Variants in SPEF2 observed in about 807,000 individuals in gnomAD.
The protein encoded by SPEF2 is sperm flagellar and cilia associated 2.
SPEF2 carries 187 observed loss-of-function variants against 224.6 expected under a neutral mutation model. That is an observed-to-expected ratio of 0.83 (90% CI 0.74 to 0.94). The LOEUF (loss-of-function observed/expected upper bound fraction) is 0.94, where lower values mean the gene tolerates loss of function less well. Ranked by LOEUF, SPEF2 falls within the 40% of genes least tolerant of loss-of-function variation. The pLI is 0.00. For missense variants in SPEF2, 2,170 were observed against 2,135.6 expected, an observed-to-expected ratio of 1.02 and a Z score of -0.32; for synonymous variants, 715 against 707.3, an observed-to-expected ratio of 1.01 and a Z score of -0.17.
At chr5:35,791,396 G>C (rs1217053039) in intron 30 of SPEF2, 3 of 152,170 alleles carry the variant, frequency 2.0e-5, no homozygotes, top group African/African-American at 7.2e-5. Context: ...CTGGAGGTTA[G>C]AGGAAATGAT....
chr5:35,763,550 T>C lies in SPEF2; in HGVS notation c.3649T>C (p.Ser1217Pro). The C allele has an allele frequency of 6.2e-7, 1 of 1,600,546 alleles. No homozygotes were observed. Among genetic ancestry groups the C allele is most frequent in the Non-Finnish European group, 8.5e-7 (1 of 1,175,856 alleles). Reference sequence around the variant, plus strand: ...TCCTCTAGTTCCTCGAATATCCATTTCTCTGGAAACAGTTACACCCAAACC... The same window carrying C: ...TCCTCTAGTTCCTCGAATATCCATTCCTCTGGAAACAGTTACACCCAAACC... Reference protein sequence around the residue: ...RIPLVPRISISLETVTPKPKT... With the variant: ...RIPLVPRISIPLETVTPKPKT... The change falls in exon 26 of 37, where the codon TCT (serine) becomes CCT (proline). Residue 1217 changes from serine (S) to proline (P), a missense_variant. Physicochemically the swap from Ser to Pro is moderately conservative, Grantham distance 74 (BLOSUM62 -1). Coordinates refer to ENST00000356031, the MANE Select transcript of SPEF2 (RefSeq NM_024867.4).
At chr5:35,782,258 A>C (rs1754456947) in intron 30 of SPEF2, among the ~76,000 whole-genome samples, 1 of 152,200 alleles carries the variant, frequency 6.6e-6, no homozygotes, top group African/African-American at 2.4e-5. Context: ...GCAGGTTTGA[A>C]AGTGTGGAGG....
At chr5:35,708,895 T>C (rs1740548370) in intron 18 of SPEF2, 53 bp from the exon 19 acceptor site, 1 of 1,461,306 alleles carries the variant, frequency 6.8e-7, no homozygotes, top group Non-Finnish European at 9.3e-7. Context: ...TCAAGTGAAA[T>C]AGTAGATTTC....
At chr5:35,695,265 G>GT (rs35696968) in intron 13 of SPEF2, among the ~76,000 whole-genome samples, 177 of 143,536 alleles carry the variant, frequency 1.2e-3, no homozygotes, top group South Asian at 1.6e-3. Flanking sequence ...AAAACTTCTG[G>GT]TTTTTTTTTT....
At chr5:35,629,413 TC>T (rs386687162) in intron 2 of SPEF2, among the ~76,000 whole-genome samples, 1,628 of 152,152 alleles carry the variant, frequency 0.011, 45 homozygotes, top group African/African-American at 0.038. Context: ...TGTCTCAGCC[TC>T]CTAAAGTGCT....
chr5:35,661,700 G>T (rs1292801262), intron 8 of SPEF2, among the ~76,000 whole-genome samples: 1 of 152,044 alleles, frequency 6.6e-6, no homozygotes, highest in African/African-American at 2.4e-5. Flanking sequence ...TCCTGCATTA[G>T]TTTGCTGAGG....
chr5:35,744,755 A>AAAAC (rs927308184), intron 23 of SPEF2, among the ~76,000 whole-genome samples: 6 of 152,266 alleles, frequency 3.9e-5, no homozygotes, highest in East Asian at 1.9e-4. Context: ...CTCTGTCTAA[A>AAAAC]AAACAAACAA....
chr5:35,778,967 T>C (rs1753962805), intron 29 of SPEF2, 150 bp from the exon 30 acceptor site: 3 of 514,136 alleles, frequency 5.8e-6, no homozygotes, highest in Non-Finnish European at 9.9e-6. Flanking sequence ...AAAATAGATT[T>C]GGGGACAAAT....
rs376341020 is a variant in SPEF2, at chr5:35,623,714, T to C, written c.59-4746T>C. Among the ~76,000 whole-genome samples the C allele has an allele frequency of 8.5e-5, 13 of 152,326 alleles. 1 individual carries two copies. The highest frequency in any genetic ancestry group is 3.1e-4 in the African/African-American group (13 of 41,570). ...ATGAATGCCAGGAATTGCCAAATAT[T>C]TGCTTTCTGAGTACTGAATTGTGTT... On this transcript the variant is annotated intron_variant, in intron 1 of 36. Coordinates refer to ENST00000356031, the MANE Select transcript of SPEF2 (RefSeq NM_024867.4).
intron 2 of SPEF2, among the ~76,000 whole-genome samples, chr5:35,632,373 G>A (rs1745260064): frequency 6.6e-6 from 1 of 152,120 alleles, no homozygotes; most frequent in Non-Finnish European, 1.5e-5. Flanking sequence ...GTAGCAAAGT[G>A]GGAAGGGCCC....
intron 21 of SPEF2, among the ~76,000 whole-genome samples, chr5:35,731,928 C>T (rs1486951704): frequency 6.6e-6 from 1 of 152,114 alleles, no homozygotes; most frequent in Non-Finnish European, 1.5e-5. Flanking sequence ...ACAGAGGGTA[C>T]AGGGGATTCC....
intron 16 of SPEF2, among the ~76,000 whole-genome samples, chr5:35,702,701 A>T (rs558150350): frequency 6.6e-6 from 1 of 152,306 alleles, no homozygotes; most frequent in Non-Finnish European, 1.5e-5. Context: ...TTAAAAAGAA[A>T]TCCAGAACCT....
intron 18 of SPEF2, among the ~76,000 whole-genome samples, chr5:35,708,658 A>ATCACCAG (rs1740431722): frequency 6.6e-6 from 1 of 150,516 alleles, no homozygotes; most frequent in South Asian, 2.1e-4. Context: ...CTCCACCACC[A>ATCACCAG]CTACCACCAG....
At chr5:35,762,780 G>A (rs1385710846) in intron 25 of SPEF2, among the ~76,000 whole-genome samples, 4 of 151,938 alleles carry the variant, frequency 2.6e-5, no homozygotes, top group Non-Finnish European at 5.9e-5. Flanking sequence ...GTTAACCTTT[G>A]AGATCCTGGG....
At chr5:35,689,120 A>G (rs1400225580) in intron 10 of SPEF2, among the ~76,000 whole-genome samples, 1 of 152,168 alleles carries the variant, frequency 6.6e-6, no homozygotes, top group Non-Finnish European at 1.5e-5. Flanking sequence ...ATTTTTCTGT[A>G]AACCATTAGT....
chr5:35,733,219 A>G (rs186154750), intron 21 of SPEF2, among the ~76,000 whole-genome samples: 5,648 of 151,888 alleles, frequency 0.037, 292 homozygotes, highest in African/African-American at 0.11. Flanking sequence ...GGTTCATGCC[A>G]TTCTCCTGCC....
intron 30 of SPEF2, chr5:35,790,145 A>G (rs1205981159): frequency 1.4e-6 from 1 of 702,992 alleles, no homozygotes; most frequent in East Asian, 2.7e-5. Context: ...CAGCTGAAGC[A>G]GAACATGGCT....
chr5:35,737,041 C>A (rs929389120), intron 21 of SPEF2, among the ~76,000 whole-genome samples: 1 of 152,162 alleles, frequency 6.6e-6, no homozygotes, highest in Non-Finnish European at 1.5e-5. Context: ...CAGGATCATA[C>A]TGATAAAGCT....
At chr5:35,652,851 G>A (rs1354531574) in intron 6 of SPEF2, among the ~76,000 whole-genome samples, 1 of 151,874 alleles carries the variant, frequency 6.6e-6, no homozygotes, top group Non-Finnish European at 1.5e-5. Context: ...AAGAATTGAT[G>A]ACAAGTCTCT....
Sources: allele counts gnomAD v4.1 joint callset (sites outside exome capture counted in the v4.1 genomes callset), GRCh38; gene constraint gnomAD v4.1.1; transcripts MANE v1.5; gene names NCBI Gene and HGNC (gene_info 2026-07-23, HGNC 2026-07-21).